The following SPAG17 variants were observed in gnomAD, a reference collection of about 807,000 sequenced individuals.
The protein encoded by SPAG17 is sperm associated antigen 17.
SPAG17 carries 169 observed loss-of-function variants against 273.6 expected under a neutral mutation model. The observed-to-expected ratio is 0.62, with a 90% confidence interval of 0.55 to 0.70. The LOEUF (loss-of-function observed/expected upper bound fraction) is 0.70. Ranked by LOEUF, SPAG17 falls within the 30% of genes least tolerant of loss-of-function variation. The pLI is 0.00. For missense variants in SPAG17, 2,557 were observed against 2,627.8 expected (o/e 0.97, Z 0.59); for synonymous variants, 825 against 873.2 (o/e 0.94, Z 0.97).
chr1:118,017,374 C>A (rs778212543), intron 28 of SPAG17, among the ~76,000 whole-genome samples: 39 of 151,836 alleles, frequency 2.6e-4, no homozygotes, highest in Non-Finnish European at 5.0e-4. Flanking sequence ...ATAAGAAATA[C>A]AATGGGGTAA....
At chr1:118,154,945 T>C (rs531231920) in intron 1 of SPAG17, among the ~76,000 whole-genome samples, 1 of 152,272 alleles carries the variant, frequency 6.6e-6, no homozygotes, top group South Asian at 2.1e-4. Context: ...AGAAAAGCTA[T>C]ACTGGATATA....
chr1:118,045,927 A>G (rs187450762), intron 20 of SPAG17, among the ~76,000 whole-genome samples: 52 of 152,328 alleles, frequency 3.4e-4, no homozygotes, highest in African/African-American at 1.2e-3. Context: ...GTTCAAAGCA[A>G]CAAACCCCAG....
chr1:117,954,649 T>A (rs377730219), intron 48 of SPAG17: 14 of 1,606,040 alleles, frequency 8.7e-6, no homozygotes, highest in African/African-American at 1.3e-5. Context: ...GTCTAACGGT[T>A]TTCCTTTGTT....
At chr1:118,014,366 A>G (rs1169151228) in intron 29 of SPAG17, among the ~76,000 whole-genome samples, 1 of 152,204 alleles carries the variant, frequency 6.6e-6, no homozygotes, top group Non-Finnish European at 1.5e-5. Context: ...GGTGATAGAG[A>G]TGAATGAGGG....
intron 1 of SPAG17, among the ~76,000 whole-genome samples, chr1:118,165,171 T>C (rs1660104551): frequency 1.3e-5 from 2 of 152,124 alleles, no homozygotes; most frequent in African/African-American, 4.8e-5. Flanking sequence ...GTGGATCAGT[T>C]TCACACTTGT....
chr1:117,959,076 G>A, intron 48 of SPAG17: 2 of 1,478,074 alleles, frequency 1.4e-6, no homozygotes, highest in South Asian at 2.4e-5. Context: ...ATAGTATGCT[G>A]TGCTTTGTCT....
intron 4 of SPAG17, among the ~76,000 whole-genome samples, chr1:118,111,392 G>C (rs1423706507): frequency 1.3e-5 from 2 of 152,106 alleles, no homozygotes; most frequent in Non-Finnish European, 2.9e-5. Flanking sequence ...AGTGAGGCAA[G>C]TTATTCCTTT....
At chr1:117,959,803 G>A (rs79121815) in intron 48 of SPAG17, 1,757 of 158,616 alleles carry the variant, frequency 0.011, 31 homozygotes, top group African/African-American at 0.039. Context: ...AAAGTTTTTC[G>A]TATTTTTTTA....
chr1:118,029,714 T>G (rs1476074550), intron 25 of SPAG17, among the ~76,000 whole-genome samples: 2 of 152,174 alleles, frequency 1.3e-5, no homozygotes, highest in Admixed American at 6.6e-5. Context: ...CACTCCCTAA[T>G]GATAATCATT....
rs190199787 is a variant in SPAG17 at position 118,022,371 on chromosome 1, T to C, written c.4069+933A>G. On this transcript the variant is annotated intron_variant, in intron 28 of 48. Coordinates refer to ENST00000336338, the MANE Select transcript of SPAG17 (RefSeq NM_206996.4). The stretch of plus-strand genomic sequence containing the variant: ...TATATCTTACAAATTAAGATGAAAA[T>C]GATGACCATCACAATGGTAAACCAA... Among the ~76,000 whole-genome samples, 36 of 152,088 alleles carry C rather than the reference T, an allele frequency of 2.4e-4. 1 individual carries two copies. The East Asian group carries it at 5.2e-3, about 22-fold the overall frequency.
At chr1:118,177,255 A>G (rs1660737067) in intron 1 of SPAG17, among the ~76,000 whole-genome samples, 1 of 152,220 alleles carries the variant, frequency 6.6e-6, no homozygotes, top group Non-Finnish European at 1.5e-5. Context: ...TCATGGTGGA[A>G]GATGAAGGAG....
rs780008136 is a variant in SPAG17 at position 118,174,232 on chromosome 1, C to T, written c.87+10839G>A. 2.9e-4 allele frequency among the ~76,000 whole-genome samples: 44 copies of T among 151,940 alleles called. 1 individual carries two copies. Among genetic ancestry groups the T allele is most frequent in the Non-Finnish European group, 5.3e-4 (36 of 67,980 alleles). On this transcript the variant is annotated intron_variant, in intron 1 of 48. Transcript: ENST00000336338. The stretch of plus-strand genomic sequence containing the variant: ...AATGCAATTAAAGAATTAAAGGAAT[C>T]CAGAAACTGACATATGAATAAAATG...
At chr1:118,181,849 C>T (rs973412935) in intron 1 of SPAG17, among the ~76,000 whole-genome samples, 14 of 152,268 alleles carry the variant, frequency 9.2e-5, no homozygotes, top group African/African-American at 2.9e-4. Context: ...GGCACAGTGG[C>T]TTAATCCTGC....
chr1:118,003,587 T>C (rs1439315607), intron 32 of SPAG17, among the ~76,000 whole-genome samples: 5 of 152,218 alleles, frequency 3.3e-5, no homozygotes, highest in Non-Finnish European at 5.9e-5. Context: ...TTATACCCTT[T>C]CTTCCACTTG....
At chr1:118,022,600 G>A (rs1214984552) in intron 28 of SPAG17, among the ~76,000 whole-genome samples, 1 of 152,180 alleles carries the variant, frequency 6.6e-6, no homozygotes, top group African/African-American at 2.4e-5. Flanking sequence ...GGTAGTGGTA[G>A]GGGTATACAT....
intron 1 of SPAG17, among the ~76,000 whole-genome samples, chr1:118,159,007 T>C (rs1208452681): frequency 1.3e-5 from 2 of 152,206 alleles, no homozygotes. Flanking sequence ...CAATAAATGT[T>C]TCTTGAACTT....
At chr1:118,086,179 C>T (rs1033014503) in intron 12 of SPAG17, 107 bp from the exon 13 acceptor site, 5 of 1,065,280 alleles carry the variant, frequency 4.7e-6, no homozygotes, top group Non-Finnish European at 6.8e-6. Flanking sequence ...TATTTGGGAA[C>T]AGGGGAAATC....
At chr1:117,960,109 CGTGTGTGTGTGTGTGTGT>C (rs3059173) in intron 48 of SPAG17, 37 of 144,504 alleles carry the variant, frequency 2.6e-4, no homozygotes, top group Middle Eastern at 3.4e-3. Flanking sequence ...TTAATACACT[CGTGTGTGTGTGTGTGTGT>C]GTGTGTGTGT....
At position 117,953,964 on chromosome 1, in the gene SPAG17, G is replaced by A; in HGVS notation, c.*86C>T. 6.6e-7 allele frequency: 1 copy of A among 1,514,868 alleles called. No homozygotes were observed. Among genetic ancestry groups the A allele is most frequent in the Non-Finnish European group, 9.0e-7 (1 of 1,105,876 alleles). 93.8% of individuals were successfully genotyped at this position (1,514,868 alleles called of 1,614,324 possible). A position where few individuals can be genotyped will look rare whatever the true frequency, so the allele number is the denominator to read the frequency against. On this transcript the variant is annotated 3_prime_UTR_variant, in exon 49 of 49. Transcript: ENST00000336338. Reference sequence around the variant, plus strand: ...TCCAGTTTCAGTGTCCTGGGATGATGGAGTATGTTGTGATGACTTCTTTCC... The same window carrying A: ...TCCAGTTTCAGTGTCCTGGGATGATAGAGTATGTTGTGATGACTTCTTTCC...
Sources: gnomAD v4.1 joint callset for allele counts (sites outside exome capture counted in the v4.1 genomes callset) on GRCh38, gnomAD v4.1.1 for gene constraint, MANE v1.5 for transcripts, NCBI Gene and HGNC (gene_info 2026-07-23, HGNC 2026-07-21) for gene names.